The following EGF variants were observed in gnomAD, a reference collection of about 807,000 sequenced individuals.
The protein encoded by EGF is pro-epidermal growth factor.
EGF carries 95 observed loss-of-function variants against 143.8 expected under a neutral mutation model. That is an observed-to-expected ratio of 0.66 (90% CI 0.56 to 0.78). The LOEUF is 0.78. EGF is among the 30% of genes least tolerant of loss of function. The pLI, the probability that EGF is intolerant of heterozygous loss-of-function variation, is 0.00. For missense variants in EGF, 1,320 were observed against 1,470.9 expected (o/e 0.90, Z 1.68); for synonymous variants, 510 against 510.5 (o/e 1.00, Z 0.01).
intron 3 of EGF, 120 bp downstream of exon 3, chr4:109,943,555 CA>C: frequency 9.0e-7 from 1 of 1,110,970 alleles, no homozygotes; most frequent in Non-Finnish European, 1.3e-6. Flanking sequence ...TCTTTTGCAG[CA>C]CACAGGCACC....
intron 1 of EGF, among the ~76,000 whole-genome samples, chr4:109,916,440 G>A (rs1736670135): frequency 6.6e-6 from 1 of 151,914 alleles, no homozygotes; most frequent in African/African-American, 2.4e-5. Flanking sequence ...CTTGTGAACT[G>A]TTTGTCTCAT....
chr4:109,950,611 GCTT>G (rs1743729416), intron 5 of EGF, among the ~76,000 whole-genome samples: 1 of 152,062 alleles, frequency 6.6e-6, no homozygotes, highest in African/African-American at 2.4e-5. Flanking sequence ...TCATTTCTCA[GCTT>G]CTTCTCTCAC....
intron 9 of EGF, 81 bp downstream of exon 9, chr4:109,963,379 C>T (rs1419606251): frequency 6.3e-7 from 1 of 1,581,640 alleles, no homozygotes; most frequent in East Asian, 2.2e-5. Flanking sequence ...GGAAAGTTAA[C>T]TGCTTATGGT....
At chr4:110,000,339 C>T (rs938832143) in intron 21 of EGF, among the ~76,000 whole-genome samples, 3 of 151,106 alleles carry the variant, frequency 2.0e-5, no homozygotes, top group South Asian at 2.1e-4. Context: ...AGTGCTTTTA[C>T]GTTTTCCTTG....
Position 109,964,512 on chromosome 4 carries a change from T to C in EGF, c.1550T>C (p.Leu517Pro). 6.2e-7 allele frequency: 1 copy of C among 1,613,910 alleles called. No individual in the cohort carries two copies. Among genetic ancestry groups the C allele is most frequent in the African/African-American group, 1.3e-5 (1 of 75,026 alleles). Residue 517 changes from leucine to proline, a missense_variant, in exon 10 of 24, where the codon CTA becomes CCA. Physicochemically the swap from Leu to Pro is moderately conservative, Grantham distance 98. Around this residue, in one of 5 missense-constraint regions of EGF, gnomAD observed 1,186 missense variants for 1,313.7 expected, o/e 0.90. Coordinates refer to ENST00000265171, the MANE Select transcript of EGF (RefSeq NM_001963.6). ...LSQQMGMVYA[L>P]DHDPVENKIY... ...CAGCAGATGGGAATGGTTTATGCCCTAGATCATGACCCTGTGGAAAATAAG... is the reference window on the plus strand; with the variant it reads ...CAGCAGATGGGAATGGTTTATGCCCCAGATCATGACCCTGTGGAAAATAAG...
intron 1 of EGF, among the ~76,000 whole-genome samples, chr4:109,930,472 G>A (rs1463764722): frequency 3.9e-5 from 6 of 152,110 alleles, no homozygotes; most frequent in Non-Finnish European, 8.8e-5. Context: ...AAGTTTTTGA[G>A]GTCCAGAAGC....
chr4:109,925,609 G>A (rs528463037), intron 1 of EGF, among the ~76,000 whole-genome samples: 12 of 152,276 alleles, frequency 7.9e-5, no homozygotes, highest in Admixed American at 3.3e-4. Flanking sequence ...TGAGTACTCC[G>A]TCTCCAATGC....
intron 13 of EGF, among the ~76,000 whole-genome samples, chr4:109,977,874 A>G (rs1020567481): frequency 5.3e-5 from 8 of 152,168 alleles, no homozygotes; most frequent in African/African-American, 1.9e-4. Flanking sequence ...TCACCCAAAT[A>G]AATGTAAAAT....
intron 6 of EGF, 40 bp from the exon 7 acceptor site, chr4:109,960,827 A>G: frequency 6.2e-7 from 1 of 1,612,532 alleles, no homozygotes; most frequent in East Asian, 2.2e-5. Flanking sequence ...TATTTTCAAA[A>G]ATAGCCATTT....
intron 7 of EGF, 42 bp from the exon 8 acceptor site, chr4:109,961,821 C>A: frequency 1.2e-6 from 2 of 1,610,908 alleles, no homozygotes; most frequent in Non-Finnish European, 8.5e-7. Flanking sequence ...TTTTTGCAAA[C>A]CCGATTTAAC....
chr4:109,963,376 T>C, intron 9 of EGF, 78 bp downstream of exon 9: 1 of 1,584,808 alleles, frequency 6.3e-7, no homozygotes, highest in Non-Finnish European at 8.7e-7. Flanking sequence ...GATGGAAAGT[T>C]AACTGCTTAT....
intron 18 of EGF, among the ~76,000 whole-genome samples, chr4:109,990,847 C>T (rs1417951321): frequency 6.6e-6 from 1 of 152,164 alleles, no homozygotes; most frequent in Admixed American, 6.5e-5. Flanking sequence ...TCTTCTTCCT[C>T]TTCTTTTAAG....
chr4:109,979,767 T>A (rs1415066236), intron 13 of EGF, among the ~76,000 whole-genome samples: 1 of 152,180 alleles, frequency 6.6e-6, no homozygotes, highest in Non-Finnish European at 1.5e-5. Context: ...CATGCCACTA[T>A]GCTCCCATTC....
chr4:109,924,417 G>T (rs1738294806), intron 1 of EGF, among the ~76,000 whole-genome samples: 1 of 151,618 alleles, frequency 6.6e-6, no homozygotes, highest in African/African-American at 2.4e-5. Flanking sequence ...TTTGAAAGTA[G>T]GATTGAATAA....
chr4:110,004,582 C>G lies in EGF; in HGVS notation c.3251C>G (p.Ala1084Gly), dbSNP rs11569111. The part of the protein sequence containing the change: ...SSRDVRSRRP[A>G]DTEDGMSSCP... ...AGAGATGTGAGGAGTCGCAGGCCTG[C>G]TGACACTGAGGATGGGATGTCCTCT... The change falls in exon 22 of 24, where the codon GCT becomes GGT. Residue 1084 changes from alanine to glycine, a missense_variant. This residue lies in a region of EGF where 1,186 missense variants were observed against 1,313.7 expected (regional missense o/e 0.90). Coordinates refer to ENST00000265171, the MANE Select transcript of EGF (RefSeq NM_001963.6). 1,305 of 1,613,968 alleles carry G rather than the reference C, an allele frequency of 8.1e-4. 8 individuals carry two copies. The African/African-American group carries it at 0.015, about 19-fold the overall frequency.
intron 2 of EGF, 130 bp from the exon 3 acceptor site, chr4:109,943,124 T>A (rs1742199376): frequency 1.6e-6 from 1 of 627,472 alleles, no homozygotes; most frequent in Non-Finnish European, 2.6e-6. Flanking sequence ...ATTTTATTAT[T>A]TAAACAATTT....
chr4:109,941,653 C>T (rs142671308), intron 2 of EGF, among the ~76,000 whole-genome samples: 6 of 152,226 alleles, frequency 3.9e-5, no homozygotes, highest in African/African-American at 9.6e-5. Flanking sequence ...AAGAATTGTC[C>T]AGCCCCAAAT....
intron 7 of EGF, 41 bp from the exon 8 acceptor site, chr4:109,961,822 C>T (rs1263591829): frequency 6.2e-7 from 1 of 1,610,866 alleles, no homozygotes; most frequent in East Asian, 2.2e-5. Flanking sequence ...TTTTGCAAAC[C>T]CGATTTAACA....
chr4:109,976,080 G>A lies in EGF; in HGVS notation c.1898G>A (p.Arg633His), dbSNP rs749928425. 12 of 1,613,982 alleles carry A rather than the reference G, an allele frequency of 7.4e-6. No homozygotes were observed. The highest frequency in any genetic ancestry group is 2.2e-5 in the East Asian group (1 of 44,902). The change falls in exon 13 of 24, where the codon CGT becomes CAT. Residue 633 changes from arginine (R) to histidine (H), a missense_variant. Coordinates refer to ENST00000265171, the MANE Select transcript of EGF (RefSeq NM_001963.6). ...AGTTCTTCCCTCCAAGGCCTTGGCC[G>A]TCTGGTTATAGCCAGCTCTGATCTA... ...IESSSLQGLG[R>H]LVIASSDLIW... is the part of the protein sequence containing the mutation.
Sources: gnomAD v4.1 joint callset for allele counts (sites outside exome capture counted in the v4.1 genomes callset) on GRCh38, gnomAD v4.1.1 for gene constraint, gnomAD v4.1.1 regional missense constraint, MANE v1.5 for transcripts, NCBI Gene and HGNC (gene_info 2026-07-23, HGNC 2026-07-21) for gene names.